Variants in PTPRD observed in about 807,000 individuals in gnomAD.
PTPRD encodes protein tyrosine phosphatase receptor type D.
Under a neutral mutation model 214.5 loss-of-function variants are expected in PTPRD, and 34 were observed. The ratio of observed to expected loss-of-function variants is 0.16; its 90% CI spans 0.12 to 0.21. The LOEUF (loss-of-function observed/expected upper bound fraction) is 0.21, where lower values mean the gene tolerates loss of function less well. Among genes scored for constraint, PTPRD ranks in the 10% least tolerant of loss-of-function variants. The probability of loss-of-function intolerance (pLI) is 1.00; values close to 1 mark genes in which losing one functional copy is unlikely to be tolerated. For synonymous variants in PTPRD, 1,128 were observed against 845.7 expected, an observed-to-expected ratio of 1.33 and a Z score of -5.79; for missense variants, 2,545 against 2,398.7, an observed-to-expected ratio of 1.06 and a Z score of -1.27.
chr9:8,483,467 T>C (rs778674308), intron 30 of PTPRD, among the ~76,000 whole-genome samples: 1 of 152,184 alleles, frequency 6.6e-6, no homozygotes, highest in Non-Finnish European at 1.5e-5. Flanking sequence ...AAATGCTTTG[T>C]AGTAGCCGGG....
intron 2 of PTPRD, among the ~76,000 whole-genome samples, chr9:10,560,384 A>G (rs2063629945): frequency 6.6e-6 from 1 of 151,914 alleles, no homozygotes; most frequent in African/African-American, 2.4e-5. Flanking sequence ...CAGGAAGGGG[A>G]ACATCACACT....
At chr9:9,898,142 A>G (rs1259986709) in intron 5 of PTPRD, among the ~76,000 whole-genome samples, 1 of 152,134 alleles carries the variant, frequency 6.6e-6, no homozygotes, top group South Asian at 2.1e-4. Context: ...AATGTATGAA[A>G]CTTCTACAGT....
chr9:8,372,838 C>T (rs2081964267), intron 39 of PTPRD, among the ~76,000 whole-genome samples: 1 of 151,898 alleles, frequency 6.6e-6, no homozygotes, highest in Admixed American at 6.6e-5. Flanking sequence ...ACCATAATTT[C>T]CTTTTTCTGT....
chr9:8,520,578 A>G (rs1399490054), intron 20 of PTPRD, among the ~76,000 whole-genome samples: 1 of 152,122 alleles, frequency 6.6e-6, no homozygotes, highest in Non-Finnish European at 1.5e-5. Flanking sequence ...CAATTTGCAA[A>G]CACTTTCTAG....
intron 3 of PTPRD, among the ~76,000 whole-genome samples, chr9:10,173,362 G>A (rs777243123): frequency 6.6e-6 from 1 of 152,076 alleles, no homozygotes; most frequent in Non-Finnish European, 1.5e-5. Context: ...CTATTATAAA[G>A]TACAAAAAAT....
chr9:9,307,307 G>T (rs887836383), intron 9 of PTPRD, among the ~76,000 whole-genome samples: 1 of 152,082 alleles, frequency 6.6e-6, no homozygotes, highest in Non-Finnish European at 1.5e-5. Context: ...TTGGAGGCTA[G>T]GCACGTACCA....
chr9:9,918,299 A>C (rs2081504694), intron 5 of PTPRD, among the ~76,000 whole-genome samples: 1 of 150,312 alleles, frequency 6.7e-6, no homozygotes, highest in African/African-American at 2.4e-5. Context: ...TCTCATTTAC[A>C]ATAGCTACAA....
intron 10 of PTPRD, among the ~76,000 whole-genome samples, chr9:9,136,582 A>G (rs12339653): frequency 0.046 from 6,973 of 152,288 alleles, 350 homozygotes; most frequent in African/African-American, 0.12. Context: ...AATCAAGAGT[A>G]ACTTAATTTT....
intron 14 of PTPRD, among the ~76,000 whole-genome samples, chr9:8,610,451 C>G (rs562158084): frequency 6.6e-6 from 1 of 152,122 alleles, no homozygotes; most frequent in South Asian, 2.1e-4. Context: ...TTTCTGGTGC[C>G]CAGCCCAGTG....
At chr9:9,043,843 G>A (rs1163543543) in intron 10 of PTPRD, among the ~76,000 whole-genome samples, 1 of 151,336 alleles carries the variant, frequency 6.6e-6, no homozygotes, top group African/African-American at 2.4e-5. Context: ...GGCGGAGGTT[G>A]CAACCAGCTG....
chr9:9,090,841 C>G (rs1428341544), intron 10 of PTPRD: 3 of 776,476 alleles, frequency 3.9e-6, no homozygotes, highest in Non-Finnish European at 6.9e-6. Context: ...ATTCCATTGA[C>G]AATGATGACA....
At chr9:8,422,762 G>A (rs1443813669) in intron 35 of PTPRD, among the ~76,000 whole-genome samples, 1 of 152,194 alleles carries the variant, frequency 6.6e-6, no homozygotes, top group South Asian at 2.1e-4. Context: ...ATGCCCAGTT[G>A]CACGGCAACA....
chr9:8,893,122 A>T (rs1449658596), intron 11 of PTPRD, among the ~76,000 whole-genome samples: 4 of 152,184 alleles, frequency 2.6e-5, no homozygotes, highest in Non-Finnish European at 5.9e-5. Context: ...AAAAAAATAT[A>T]TATGATAGAA....
chr9:9,987,224 GT>G (rs2095747016), intron 4 of PTPRD, among the ~76,000 whole-genome samples: 1 of 152,082 alleles, frequency 6.6e-6, no homozygotes. Context: ...CTCCAACCCA[GT>G]TTTTACATAT....
chr9:9,984,651 T>C (rs1234544522), intron 4 of PTPRD, among the ~76,000 whole-genome samples: 1 of 152,106 alleles, frequency 6.6e-6, no homozygotes, highest in Non-Finnish European at 1.5e-5. Context: ...CATTTACACT[T>C]AATGGGAGTA....
At chr9:10,363,316 T>C (rs887202678) in intron 2 of PTPRD, among the ~76,000 whole-genome samples, 5 of 152,204 alleles carry the variant, frequency 3.3e-5, no homozygotes, top group African/African-American at 7.2e-5. Flanking sequence ...ATAATAGATA[T>C]GACTTTCAGC....
Position 8,555,341 on chromosome 9 carries a change from A to C in PTPRD, c.353-26562T>G, listed in dbSNP as rs184306276. Among the ~76,000 whole-genome samples the C allele has an allele frequency of 5.9e-5, 9 of 152,296 alleles. No homozygotes were observed. The East Asian group carries it at 1.7e-3, about 29-fold the overall frequency. Reference sequence around the variant, plus strand: ...AGGATCCTGCGAGCACAGGAGGACAAAGCTGCAGTAAGCTGTGACTGCGCC... The same window carrying C: ...AGGATCCTGCGAGCACAGGAGGACACAGCTGCAGTAAGCTGTGACTGCGCC... On this transcript the variant is annotated intron_variant, in intron 14 of 45. Coordinates refer to ENST00000381196, the MANE Select transcript of PTPRD (RefSeq NM_002839.4).
intron 5 of PTPRD, among the ~76,000 whole-genome samples, chr9:9,920,206 A>G (rs2082166628): frequency 6.6e-6 from 1 of 152,166 alleles, no homozygotes; most frequent in African/African-American, 2.4e-5. Context: ...GTTGAAGGAT[A>G]TTAGAAAACA....
intron 11 of PTPRD, among the ~76,000 whole-genome samples, chr9:8,983,801 G>A (rs990208273): frequency 6.6e-6 from 1 of 151,952 alleles, no homozygotes; most frequent in Non-Finnish European, 1.5e-5. Flanking sequence ...ACAGGCATGA[G>A]TGCCCAGCCA....
Sources: gnomAD v4.1 joint callset for allele counts (sites outside exome capture counted in the v4.1 genomes callset) on GRCh38, gnomAD v4.1.1 for gene constraint, MANE v1.5 for transcripts, NCBI Gene and HGNC (gene_info 2026-07-23, HGNC 2026-07-21) for gene names.